KIAA1549L: variants seen among roughly 807,000 people sequenced by gnomAD.
The protein encoded by KIAA1549L is UPF0606 protein KIAA1549L.
KIAA1549L carries 88 observed loss-of-function variants against 160.7 expected under a neutral mutation model. The observed-to-expected ratio is 0.55, with a 90% CI of 0.46 to 0.65. The LOEUF (loss-of-function observed/expected upper bound fraction) is 0.65. KIAA1549L is among the 30% of genes least tolerant of loss of function. KIAA1549L has a pLI of 0.00. For synonymous variants in KIAA1549L, 950 were observed against 976.7 expected, an observed-to-expected ratio of 0.97 and a Z score of 0.51; for missense variants, 2,258 against 2,437.5, an observed-to-expected ratio of 0.93 and a Z score of 1.55.
intron 1 of KIAA1549L, among the ~76,000 whole-genome samples, chr11:33,435,786 A>ATG (rs1287703565): frequency 5.3e-5 from 1 of 18,970 alleles, no homozygotes; most frequent in African/African-American, 5.0e-4. Context: ...ATATATATAT[A>ATG]TATATATATA....
intron 1 of KIAA1549L, among the ~76,000 whole-genome samples, chr11:33,492,442 C>G (rs1360922260): frequency 2.0e-5 from 3 of 152,108 alleles, no homozygotes; most frequent in Non-Finnish European, 4.4e-5. Context: ...GGACTAGGAA[C>G]CCCTGGAGTG....
At position 33,609,833 on chromosome 11, in the gene KIAA1549L, G is replaced by A. The variant is rs759949497; in HGVS notation, c.5146G>A (p.Asp1716Asn). The A allele has an allele frequency of 5.0e-6, 8 of 1,613,768 alleles. No individual in the cohort carries two copies. Among genetic ancestry groups the A allele is most frequent in the East Asian group, 2.2e-5 (1 of 44,888 alleles). The change falls in exon 15 of 21, where the codon GAC becomes AAC. Residue 1716 changes from aspartate (D) to asparagine (N), a missense_variant. Physicochemically the swap from Asp to Asn is conservative, Grantham distance 23. Around this residue, in one of 6 missense-constraint regions of KIAA1549L, gnomAD observed 1,359 missense variants for 1,546.6 expected, o/e 0.88. Coordinates refer to ENST00000658780, the MANE Select transcript of KIAA1549L (RefSeq NM_012194.3). ...RLKAKRKGYY[D>N]FPAVETSKGL... ...CAAAGCCAAGAGGAAGGGATATTACGACTTCCCTGCAGTGGAGACGAGCAA... is the reference window on the plus strand; with the variant it reads ...CAAAGCCAAGAGGAAGGGATATTACAACTTCCCTGCAGTGGAGACGAGCAA...
At chr11:33,384,487 C>T (rs1038594844) in intron 1 of KIAA1549L, among the ~76,000 whole-genome samples, 13 of 152,114 alleles carry the variant, frequency 8.5e-5, no homozygotes, top group African/African-American at 2.7e-4. Flanking sequence ...GTGTTAGGGA[C>T]GTATTTCATC....
intron 1 of KIAA1549L, among the ~76,000 whole-genome samples, chr11:33,468,158 G>T (rs530054420): frequency 6.6e-6 from 1 of 152,324 alleles, no homozygotes; most frequent in South Asian, 2.1e-4. Context: ...AAGCCATTTG[G>T]ATCCTAAAAC....
At chr11:33,487,713 G>A (rs1447135598) in intron 1 of KIAA1549L, among the ~76,000 whole-genome samples, 1 of 152,154 alleles carries the variant, frequency 6.6e-6, no homozygotes, top group African/African-American at 2.4e-5. Flanking sequence ...CTAGGCATCA[G>A]TATTTTCCGG....
chr11:33,641,905 G>A (rs1311558617), intron 16 of KIAA1549L, among the ~76,000 whole-genome samples: 4 of 151,960 alleles, frequency 2.6e-5, no homozygotes, highest in African/African-American at 9.7e-5. Flanking sequence ...CCATTGACTG[G>A]GAGCTCCTTG....
chr11:33,533,382 A>G (rs1853820771), intron 1 of KIAA1549L, among the ~76,000 whole-genome samples: 1 of 152,220 alleles, frequency 6.6e-6, no homozygotes, highest in South Asian at 2.1e-4. Context: ...ATTAGTCAAT[A>G]ACAGGTTCTG....
intron 1 of KIAA1549L, among the ~76,000 whole-genome samples, chr11:33,434,515 C>T (rs377006286): frequency 3.7e-4 from 56 of 152,256 alleles, no homozygotes; most frequent in East Asian, 1.3e-3. Flanking sequence ...GACATATGTC[C>T]GTTGGATCTG....
chr11:33,435,810 A>ATATATGTG (rs1851358179), intron 1 of KIAA1549L, among the ~76,000 whole-genome samples: 1 of 27,210 alleles, frequency 3.7e-5, no homozygotes, highest in African/African-American at 1.5e-4. Context: ...ATATATATAT[A>ATATATGTG]TGTGTGTGTA....
intron 1 of KIAA1549L, among the ~76,000 whole-genome samples, chr11:33,469,728 G>A (rs1852138903): frequency 6.6e-6 from 1 of 152,200 alleles, no homozygotes; most frequent in East Asian, 1.9e-4. Context: ...GATGTGAAGT[G>A]TAGCTCATTT....
chr11:33,552,378 G>T, intron 6 of KIAA1549L, 137 bp downstream of exon 6: 3 of 964,410 alleles, frequency 3.1e-6, no homozygotes, highest in East Asian at 5.3e-5. Context: ...TGGTGAGGAT[G>T]TCTGGGGTAT....
chr11:33,545,185 CACG>C lies in KIAA1549L; in HGVS notation c.3193_3195del (p.Thr1065del). The C allele has an allele frequency of 6.2e-7, 1 of 1,614,026 alleles. No homozygotes were observed. The highest frequency in any genetic ancestry group is 8.5e-7 in the Non-Finnish European group (1 of 1,179,896). On this transcript the variant is annotated inframe_deletion, in exon 3 of 21. Coordinates refer to ENST00000658780, the MANE Select transcript of KIAA1549L (RefSeq NM_012194.3). ...CCAACCTGGAGATGCCCAGAGCATC[CACG>C]CCACGCCCACTGACAGTCACGGCCG...
At chr11:33,431,251 G>A (rs1337242346) in intron 1 of KIAA1549L, among the ~76,000 whole-genome samples, 2 of 152,294 alleles carry the variant, frequency 1.3e-5, no homozygotes, top group East Asian at 1.9e-4. Context: ...AAGAGCGAAA[G>A]AGCAAAGCTT....
intron 1 of KIAA1549L, among the ~76,000 whole-genome samples, chr11:33,514,850 C>T (rs190360203): frequency 1.1e-4 from 16 of 152,266 alleles, no homozygotes; most frequent in Admixed American, 7.2e-4. Flanking sequence ...ACTTGTCTCA[C>T]GTTTGCTTAT....
intron 10 of KIAA1549L, among the ~76,000 whole-genome samples, chr11:33,579,451 C>A (rs996660475): frequency 2.0e-5 from 3 of 152,164 alleles, no homozygotes; most frequent in African/African-American, 7.2e-5. Flanking sequence ...ATTAGTTGCA[C>A]CCTCTTCTCT....
intron 20 of KIAA1549L, among the ~76,000 whole-genome samples, chr11:33,663,872 GAA>G (rs1852350167): frequency 6.6e-6 from 1 of 152,216 alleles, no homozygotes; most frequent in Non-Finnish European, 1.5e-5. Flanking sequence ...TTACGCTGGA[GAA>G]AGTGCAAGGA....
At chr11:33,628,357 G>A (rs1272721316) in intron 16 of KIAA1549L, among the ~76,000 whole-genome samples, 4 of 151,550 alleles carry the variant, frequency 2.6e-5, no homozygotes, top group East Asian at 3.9e-4. Context: ...TTTCTGTCTC[G>A]TTGATCTGTC....
At chr11:33,605,801 T>A (rs1379582677) in intron 13 of KIAA1549L, among the ~76,000 whole-genome samples, 2 of 152,264 alleles carry the variant, frequency 1.3e-5, no homozygotes, top group African/African-American at 4.8e-5. Context: ...TGCCTAGCCA[T>A]GCTCAATAAG....
At chr11:33,433,855 A>C (rs1851301688) in intron 1 of KIAA1549L, among the ~76,000 whole-genome samples, 1 of 152,072 alleles carries the variant, frequency 6.6e-6, no homozygotes, top group Non-Finnish European at 1.5e-5. Context: ...ACCAAACACC[A>C]CATGTTCTCA....
Sources: allele counts gnomAD v4.1 joint callset (sites outside exome capture counted in the v4.1 genomes callset), GRCh38; gene constraint gnomAD v4.1.1; regional missense constraint gnomAD v4.1.1; transcripts MANE v1.5; gene names NCBI Gene and HGNC (gene_info 2026-07-23, HGNC 2026-07-21).